WSB1: variants seen among roughly 807,000 people sequenced by gnomAD.
WSB1 encodes the protein WD repeat and SOCS box containing 1, also known as WD repeat and SOCS box-containing protein 1.
Under a neutral mutation model 50.2 loss-of-function variants are expected in WSB1, and 23 were observed. That is an observed-to-expected ratio of 0.46 (90% CI 0.33 to 0.65). The LOEUF is 0.65. WSB1 is among the 30% of genes least tolerant of loss of function. The pLI is 0.02. For synonymous variants in WSB1, 179 were observed against 172.0 expected (o/e 1.04, Z -0.32); for missense variants, 492 against 522.3 (o/e 0.94, Z 0.56).
intron 1 of WSB1, among the ~76,000 whole-genome samples, chr17:27,294,668 C>T (rs1209446757): frequency 3.9e-5 from 6 of 152,116 alleles, no homozygotes; most frequent in African/African-American, 1.4e-4. Flanking sequence ...GTGGCTGGGG[C>T]GGGCAAGGAC....
At chr17:27,310,655 C>A (rs955242470) in intron 7 of WSB1, among the ~76,000 whole-genome samples, 5 of 152,142 alleles carry the variant, frequency 3.3e-5, no homozygotes, top group African/African-American at 1.2e-4. Context: ...TTGAGTAGTT[C>A]GGTGACGTCA....
rs537795788 is a variant in WSB1, at chr17:27,305,682, T to A, written c.610+771T>A. Among the ~76,000 whole-genome samples the A allele has an allele frequency of 3.2e-4, 49 of 152,352 alleles. No individual in the cohort carries two copies. The East Asian group carries it at 6.6e-3, about 20-fold the overall frequency. On this transcript the variant is annotated intron_variant, in intron 4 of 8. Transcript: ENST00000262394. ...GAAACAAAACCCTCAGATCTGGAGA[T>A]GTTCCAGCTGATAGATAGTAACCAT...
intron 1 of WSB1, among the ~76,000 whole-genome samples, chr17:27,298,415 A>G (rs759793800): frequency 1.3e-5 from 2 of 152,110 alleles, no homozygotes; most frequent in Non-Finnish European, 2.9e-5. Flanking sequence ...GTGGTTAAAC[A>G]GGAATCCAAG....
rs745351323 is a variant in WSB1 at position 27,304,784 on chromosome 17, A to G, written c.483A>G (p.Lys161=). The stretch of plus-strand genomic sequence containing the variant: ...TCCCTTTTCTATCATATTTAGGAAA[A>G]CTCCTCCTTAACTTGGTAGATCATA... ...RIKIWDVYTG[K]LLLNLVDHTE... The change falls in exon 4 of 9, where the codon AAA becomes AAG. Residue 161 remains lysine, a synonymous_variant. Transcript: ENST00000262394. The G allele has an allele frequency of 9.3e-6, 15 of 1,611,682 alleles. 1 individual carries two copies. The South Asian group carries it at 1.5e-4, about 17-fold the overall frequency.
At chr17:27,311,901 A>G (rs543471071) in intron 8 of WSB1, among the ~76,000 whole-genome samples, 2 of 151,798 alleles carry the variant, frequency 1.3e-5, no homozygotes, top group Non-Finnish European at 2.9e-5. Context: ...TCCCGCCTCA[A>G]CTTCCCAAAG....
rs1347451302 is a variant in WSB1, at chr17:27,312,622, T to C, written c.*253T>C. ...ACATACATACCTGTACATATTTAGA[T>C]ATAAGCTGCTATATGTTGAATGGAC... On this transcript the variant is annotated 3_prime_UTR_variant, in exon 9 of 9. Transcript: ENST00000262394. 1 of 393,478 alleles carries C rather than the reference T, an allele frequency of 2.5e-6. No homozygotes were observed. Among genetic ancestry groups the C allele is most frequent in the East Asian group, 5.5e-5 (1 of 18,056 alleles). 24.4% of individuals were successfully genotyped at this position (393,478 alleles called of 1,614,324 possible).
intron 6 of WSB1, 111 bp from the exon 7 acceptor site, chr17:27,309,950 A>G: frequency 1.3e-6 from 1 of 771,180 alleles, no homozygotes; most frequent in Non-Finnish European, 2.1e-6. Context: ...TCTCAGTTAT[A>G]TTAATTAAGG....
At chr17:27,308,841 C>G (rs2017558138) in intron 5 of WSB1, 1 of 1,075,306 alleles carries the variant, frequency 9.3e-7, no homozygotes, top group Non-Finnish European at 1.1e-6. Context: ...GGTTAAATTG[C>G]ATTGCCTTTA....
At chr17:27,307,739 C>T in intron 5 of WSB1, 2 of 1,534,520 alleles carry the variant, frequency 1.3e-6, no homozygotes, top group Non-Finnish European at 1.7e-6. Context: ...CTTTCCCTGT[C>T]ACAGGTGGTG....
At chr17:27,295,891 GCAAT>G (rs1377134712) in intron 1 of WSB1, among the ~76,000 whole-genome samples, 1 of 150,902 alleles carries the variant, frequency 6.6e-6, no homozygotes, top group Non-Finnish European at 1.5e-5. Context: ...AGGCTGGAGT[GCAAT>G]GGCACGATCT....
Position 27,302,070 on chromosome 17 carries a change from G to A in WSB1, c.209+114G>A, listed in dbSNP as rs1296696147. ...TAAGTTTTACTTTATAGATGATGTC[G>A]TGAGTTTTAATCATGGGCTGAATAT... is the stretch of plus-strand genomic sequence containing the variant. On this transcript the variant is annotated intron_variant, in intron 2 of 8. Transcript: ENST00000262394. The A allele has an allele frequency of 9.4e-6, 12 of 1,273,298 alleles. No homozygotes were observed. In the East Asian group the frequency reaches 1.6e-4, roughly 17 times the overall value. The allele number at this position is 1,273,298 out of a possible 1,614,324, so 78.9% of individuals were successfully genotyped here.
intron 1 of WSB1, among the ~76,000 whole-genome samples, chr17:27,295,391 G>A (rs1030912613): frequency 1.8e-4 from 28 of 152,162 alleles, no homozygotes; most frequent in Middle Eastern, 3.2e-3. Flanking sequence ...GAAGGGAAGA[G>A]GCTGAAGTAG....
intron 5 of WSB1, chr17:27,308,635 C>A: frequency 1.0e-6 from 1 of 986,002 alleles, no homozygotes; most frequent in Non-Finnish European, 1.2e-6. Flanking sequence ...CTATTGTAAA[C>A]AAGTGATTAT....
intron 2 of WSB1, 183 bp downstream of exon 2, chr17:27,302,139 G>A (rs555185303): frequency 2.6e-5 from 19 of 740,684 alleles, no homozygotes; most frequent in African/African-American, 7.5e-5. Flanking sequence ...GGCCGGGCGC[G>A]GCGGCTCAGG....
In WSB1 at chr17:27,312,243, T is replaced by G. The variant is rs997547754; in HGVS notation, c.1140T>G (p.Thr380=). Residue 380 remains threonine, a synonymous_variant, in exon 9 of 9, where the codon ACT becomes ACG. Transcript: ENST00000262394. ...THDGSVYFWA[T]PRQVPSLQHL... ...ACGGAAGTGTGTATTTTTGGGCCAC[T>G]CCACGGCAGGTCCCTAGCCTGCAAC... The G allele has an allele frequency of 1.2e-6, 2 of 1,613,646 alleles. No individual in the cohort carries two copies. Among genetic ancestry groups the G allele is most frequent in the African/African-American group, 1.3e-5 (1 of 74,874 alleles).
chr17:27,308,856 A>T, intron 5 of WSB1: 1 of 1,111,628 alleles, frequency 9.0e-7, no homozygotes, highest in Non-Finnish European at 1.1e-6. Flanking sequence ...CCTTTATTTT[A>T]TGTTTAGGCT....
chr17:27,294,436 G>C lies in WSB1; in HGVS notation c.40+1G>C, dbSNP rs2016857923. Reference sequence around the variant, plus strand: ...CCGAGGGTCAACGAGAAAGAGATCGGTGAGGATTGGGACCGTGGGTGGGCG... The same window carrying C: ...CCGAGGGTCAACGAGAAAGAGATCGCTGAGGATTGGGACCGTGGGTGGGCG... On this transcript the variant is annotated splice_donor_variant, in intron 1 of 8. Transcript: ENST00000262394. LOFTEE classifies it high-confidence loss of function. The C allele has an allele frequency of 6.2e-7, 1 of 1,613,662 alleles. No individual in the cohort carries two copies. Among genetic ancestry groups the C allele is most frequent in the Admixed American group, 1.7e-5 (1 of 59,986 alleles).
In WSB1 at chr17:27,303,557, T is replaced by C. The variant is rs1308615498; in HGVS notation, c.400T>C (p.Phe134Leu). 1.9e-6 allele frequency: 3 copies of C among 1,614,150 alleles called. No individual in the cohort carries two copies. Among genetic ancestry groups the C allele is most frequent in the Non-Finnish European group, 2.5e-6 (3 of 1,180,030 alleles). ...SRCVNIEWHR[F>L]RFGQDQLLLA... is the part of the protein sequence containing the mutation. ...CTGTGTAAATATAGAATGGCATCGCTTCAGATTTGGACAAGATCAGCTACT... is the reference window on the plus strand; with the variant it reads ...CTGTGTAAATATAGAATGGCATCGCCTCAGATTTGGACAAGATCAGCTACT... Residue 134 changes from phenylalanine to leucine, a missense_variant, in exon 3 of 9, where the codon TTC becomes CTC. By Grantham distance (22) the Phe-to-Leu change is conservative. Coordinates refer to ENST00000262394, the MANE Select transcript of WSB1 (RefSeq NM_015626.10).
intron 1 of WSB1, among the ~76,000 whole-genome samples, chr17:27,301,099 C>T (rs983715253): frequency 6.6e-6 from 1 of 152,078 alleles, no homozygotes; most frequent in Non-Finnish European, 1.5e-5. Flanking sequence ...GTCTCAAACT[C>T]CAGACCTCAA....
Sources: allele counts gnomAD v4.1 joint callset (sites outside exome capture counted in the v4.1 genomes callset), GRCh38; gene constraint gnomAD v4.1.1; transcripts MANE v1.5; gene names NCBI Gene and HGNC (gene_info 2026-07-23, HGNC 2026-07-21).